Variants in ZSCAN1 observed in about 807,000 individuals in gnomAD.
ZSCAN1 encodes zinc finger and SCAN domain containing 1.
In ZSCAN1, 23 loss-of-function variants were observed where a neutral mutation model predicts 23.8. The observed-to-expected ratio is 0.97, with a 90% CI of 0.70 to 1.37. ZSCAN1 has a LOEUF of 1.37. Among genes scored for constraint, ZSCAN1 ranks in the 40% most tolerant of loss-of-function variants. The pLI, the probability that ZSCAN1 is intolerant of heterozygous loss-of-function variation, is 0.00. For missense variants in ZSCAN1, 575 were observed against 554.0 expected (o/e 1.04, Z -0.38); for synonymous variants, 236 against 232.3 (o/e 1.02, Z -0.15).
chr19:58,052,748 C>T, intron 5 of ZSCAN1, 120 bp downstream of exon 5: 2 of 1,391,408 alleles, frequency 1.4e-6, no homozygotes, highest in Non-Finnish European at 1.9e-6. Context: ...CACACTTCCC[C>T]CAGAAAGCAT....
rs1291885477 is a variant in ZSCAN1 at position 58,054,098 on chromosome 19, G to A, written c.*47G>A. 8.3e-6 allele frequency: 12 copies of A among 1,441,384 alleles called. No homozygotes were observed. In the South Asian group the frequency reaches 1.6e-4, roughly 19 times the overall value. The allele number at this position is 1,441,384 out of a possible 1,614,324, so 89.3% of individuals were successfully genotyped here. A position where few individuals can be genotyped will look rare whatever the true frequency, so the allele number is the denominator to read the frequency against. ...CCACCCGGCCCTGAGTCCCTGGGGG[G>A]AGCTGATGGGCCCCAGAAGATGGGG... On this transcript the variant is annotated 3_prime_UTR_variant, in exon 6 of 6. Coordinates refer to ENST00000282326, the MANE Select transcript of ZSCAN1 (RefSeq NM_182572.4). The surrounding 1 kb of genome is among the most constrained non-coding windows in gnomAD (Gnocchi z 4.2).
rs555933593 is a variant in ZSCAN1, at chr19:58,047,764, C to T, written c.466-4726C>T. 2.0e-5 allele frequency among the ~76,000 whole-genome samples: 3 copies of T among 152,316 alleles called. No individual in the cohort carries two copies. Among genetic ancestry groups the T allele is most frequent in the South Asian group, 4.1e-4 (2 of 4,832 alleles). On this transcript the variant is annotated intron_variant, in intron 4 of 5. Transcript: ENST00000282326. The surrounding 1 kb of genome is among the most constrained non-coding windows in gnomAD (Gnocchi z 4.9). Reference sequence around the variant, plus strand: ...AACAAGCAGGCTGGTCACCGAGGCACGAAGACGAGGCACAGGGCATCCCCT... The same window carrying T: ...AACAAGCAGGCTGGTCACCGAGGCATGAAGACGAGGCACAGGGCATCCCCT...
intron 2 of ZSCAN1, among the ~76,000 whole-genome samples, chr19:58,036,804 A>G (rs1008290028): frequency 7.2e-5 from 11 of 152,176 alleles, no homozygotes; most frequent in African/African-American, 2.6e-4. Flanking sequence ...CTCCTGCCTC[A>G]GCCTCCCACG....
At chr19:58,046,545 G>A in intron 4 of ZSCAN1, 2 of 913,594 alleles carry the variant, frequency 2.2e-6, no homozygotes, top group Non-Finnish European at 3.7e-6. Context: ...AGCAAGTCAA[G>A]CACATTCCCA....
intron 4 of ZSCAN1, among the ~76,000 whole-genome samples, chr19:58,043,726 C>G (rs947004213): frequency 1.3e-5 from 2 of 152,054 alleles, no homozygotes; most frequent in East Asian, 1.9e-4. Flanking sequence ...CATGGCTCAC[C>G]GCAACCTCAA....
chr19:58,055,628 C>T (rs190790710), downstream of ZSCAN1, among the ~76,000 whole-genome samples: 43 of 152,328 alleles, frequency 2.8e-4, no homozygotes, highest in East Asian at 7.2e-3. Context: ...TTCTCTCAGG[C>T]GCAGATTGAT....
chr19:58,038,267 G>C (rs1052175492), intron 3 of ZSCAN1, 61 bp downstream of exon 3: 1 of 1,541,972 alleles, frequency 6.5e-7, no homozygotes, highest in Non-Finnish European at 8.7e-7. Context: ...TCCGAGGACC[G>C]AACTGCCCTC....
chr19:58,052,907 C>A (rs1343731173), intron 5 of ZSCAN1, among the ~76,000 whole-genome samples: 1 of 151,892 alleles, frequency 6.6e-6, no homozygotes, highest in Admixed American at 6.6e-5. Context: ...CCCAGAGGGC[C>A]AGCCAGGTAG....
chr19:58,035,874 A>T (rs2073731360), intron 1 of ZSCAN1, 96 bp from the exon 2 acceptor site: 1 of 152,198 alleles, frequency 6.6e-6, no homozygotes, highest in Non-Finnish European at 1.5e-5. Context: ...AATCCCATGG[A>T]ATCCCTCCTT....
At chr19:58,042,525 G>A (rs1333534884) in intron 4 of ZSCAN1, among the ~76,000 whole-genome samples, 2 of 152,082 alleles carry the variant, frequency 1.3e-5, no homozygotes, top group African/African-American at 4.8e-5. Context: ...CCTGAAGTGC[G>A]TGAGCCATCG....
intron 4 of ZSCAN1, among the ~76,000 whole-genome samples, chr19:58,050,089 C>CT (rs34901723): frequency 0.15 from 21,670 of 144,804 alleles, 2,095 homozygotes; most frequent in Middle Eastern, 0.24. Context: ...CCACTCTTTC[C>CT]TTTTTTTTTT....
At chr19:58,038,387 C>T in intron 3 of ZSCAN1, 181 bp downstream of exon 3, 1 of 746,572 alleles carries the variant, frequency 1.3e-6, no homozygotes, top group Non-Finnish European at 2.1e-6. Flanking sequence ...TGCTGCACGC[C>T]TCATCTGCCT....
At chr19:58,044,867 G>A (rs761227666) in intron 4 of ZSCAN1, 3 of 775,554 alleles carry the variant, frequency 3.9e-6, no homozygotes, top group Non-Finnish European at 6.9e-6. Flanking sequence ...ACCTCTGTGG[G>A]TTTTGTGGTC....
In ZSCAN1 at chr19:58,045,012, C is replaced by T; in HGVS notation, c.465+4468C>T. ...TGGAGGAAGGCGGCCCTGTGTACAG[C>T]GCCCCCGCAGAGATGGTGGTGAAGT... On this transcript the variant is annotated intron_variant, in intron 4 of 5. Coordinates refer to ENST00000282326, the MANE Select transcript of ZSCAN1 (RefSeq NM_182572.4). This position sits in a 1 kb window ranked among gnomAD's most constrained non-coding sequence, Gnocchi z 4.3. 1 of 1,147,748 alleles carries T rather than the reference C, an allele frequency of 8.7e-7. No homozygotes were observed. The highest frequency in any genetic ancestry group is 1.3e-6 in the Non-Finnish European group (1 of 763,190). 71.1% of individuals were successfully genotyped at this position (1,147,748 alleles called of 1,614,324 possible).
At position 58,053,486 on chromosome 19, in the gene ZSCAN1, T is replaced by G; in HGVS notation, c.662T>G (p.Leu221Arg). Residue 221 changes from leucine (L) to arginine (R), a missense_variant, in exon 6 of 6, where the codon CTC (leucine) becomes CGC (arginine). By Grantham distance (102) the Leu-to-Arg change is moderately radical. Transcript: ENST00000282326. This position sits in a 1 kb window ranked among gnomAD's most constrained non-coding sequence, Gnocchi z 5.8. ...PSIWDEPEDLLAGPSSDLRAE... is the reference protein window; with the variant it reads ...PSIWDEPEDLRAGPSSDLRAE... ...ATCTGGGACGAGCCTGAGGACCTTC[T>G]CGCAGGGCCCTCCTCAGACCTGCGG... 6.2e-7 allele frequency: 1 copy of G among 1,613,984 alleles called. No individual in the cohort carries two copies. The highest frequency in any genetic ancestry group is 8.5e-7 in the Non-Finnish European group (1 of 1,179,934).
chr19:58,054,199 C>G lies in ZSCAN1; in HGVS notation c.*148C>G, dbSNP rs2073878421. 2.7e-6 allele frequency: 3 copies of G among 1,108,702 alleles called. No individual in the cohort carries two copies. The allele number at this position is 1,108,702 out of a possible 1,614,324, so 68.7% of individuals were successfully genotyped here. A position where few individuals can be genotyped will look rare whatever the true frequency, so the allele number is the denominator to read the frequency against. The stretch of plus-strand genomic sequence containing the variant: ...GGACACAAGCTGTTTCTCGGAAGAC[C>G]CTGGACACCTGCTCCGAAGCCAAGC... On this transcript the variant is annotated 3_prime_UTR_variant, in exon 6 of 6. Transcript: ENST00000282326. The surrounding 1 kb of genome is among the most constrained non-coding windows in gnomAD (Gnocchi z 4.2).
intron 4 of ZSCAN1, among the ~76,000 whole-genome samples, chr19:58,041,422 C>T (rs1332792423): frequency 6.6e-6 from 1 of 152,226 alleles, no homozygotes; most frequent in South Asian, 2.1e-4. Flanking sequence ...GAGACCTCCA[C>T]ACGAGGCACT....
rs1376742672 is a variant in ZSCAN1 at position 58,040,123 on chromosome 19, G to C, written c.371-327G>C. Among the ~76,000 whole-genome samples the C allele has an allele frequency of 6.6e-6, 1 of 152,204 alleles. No individual in the cohort carries two copies. Among genetic ancestry groups the C allele is most frequent in the Non-Finnish European group, 1.5e-5 (1 of 68,032 alleles). On this transcript the variant is annotated intron_variant, in intron 3 of 5. Transcript: ENST00000282326. The surrounding 1 kb of genome is among the most constrained non-coding windows in gnomAD (Gnocchi z 5.8). ...GTGCACTCTGTGCACACAGCCCCGG[G>C]GGGCTTGGGGAGCAGAGGGCTCACA...
In ZSCAN1 at chr19:58,045,847, T is replaced by C. The variant is rs2073821863; in HGVS notation, c.465+5303T>C. Reference sequence around the variant, plus strand: ...GACCATGTAGCTCCCGGACACCCTCTTGCCAGCCGACCAGCTCAAGTCCAC... The same window carrying C: ...GACCATGTAGCTCCCGGACACCCTCCTGCCAGCCGACCAGCTCAAGTCCAC... On this transcript the variant is annotated intron_variant, in intron 4 of 5. Transcript: ENST00000282326. The surrounding 1 kb of genome is among the most constrained non-coding windows in gnomAD (Gnocchi z 4.3). The C allele has an allele frequency of 8.4e-7, 1 of 1,186,994 alleles. No individual in the cohort carries two copies. The allele number at this position is 1,186,994 out of a possible 1,614,324, so 73.5% of individuals were successfully genotyped here.
Sources: allele counts gnomAD v4.1 joint callset (sites outside exome capture counted in the v4.1 genomes callset), GRCh38; gene constraint gnomAD v4.1.1; non-coding constraint Gnocchi (gnomAD v3.1); transcripts MANE v1.5; gene names NCBI Gene and HGNC (gene_info 2026-07-23, HGNC 2026-07-21).